PIBF1: variants seen among roughly 807,000 people sequenced by gnomAD.
The protein encoded by PIBF1 is progesterone-induced-blocking factor 1.
A neutral mutation model predicts 112.5 loss-of-function variants in PIBF1; 90 were observed. That is an observed-to-expected ratio of 0.80 (90% confidence interval 0.67 to 0.95). PIBF1 has a LOEUF of 0.95. PIBF1 is among the 40% of genes least tolerant of loss of function. The pLI is 0.00. For synonymous variants in PIBF1, 301 were observed against 288.6 expected (o/e 1.04, Z -0.44); for missense variants, 915 against 852.3 (o/e 1.07, Z -0.92).
At chr13:73,010,235 T>TG (rs1259097324) in intron 17 of PIBF1, among the ~76,000 whole-genome samples, 1 of 151,152 alleles carries the variant, frequency 6.6e-6, no homozygotes, top group Non-Finnish European at 1.5e-5. Context: ...GCTAGTTTTT[T>TG]TTTTTTTTTT....
At chr13:72,985,987 GA>G (rs962058651) in intron 16 of PIBF1, among the ~76,000 whole-genome samples, 22 of 151,346 alleles carry the variant, frequency 1.5e-4, no homozygotes, top group Non-Finnish European at 2.8e-4. Context: ...TCCATCTCTA[GA>G]AAAAAAAATT....
intron 5 of PIBF1, among the ~76,000 whole-genome samples, chr13:72,819,178 G>T (rs1045218681): frequency 5.3e-5 from 8 of 152,086 alleles, no homozygotes; most frequent in African/African-American, 1.9e-4. Flanking sequence ...TTGTGAAGCC[G>T]TAGGGTAAGA....
rs546783273 is a variant in PIBF1, at chr13:72,820,417, G to A, written c.673-1432G>A. On this transcript the variant is annotated intron_variant, in intron 5 of 17. Coordinates refer to ENST00000326291, the MANE Select transcript of PIBF1 (RefSeq NM_006346.4). The stretch of plus-strand genomic sequence containing the variant: ...TGATGATCTTTCGGGAGGTGATAGC[G>A]TATCCTCAGCTGTAATCCCATAATA... Among the ~76,000 whole-genome samples the A allele has an allele frequency of 7.4e-4, 112 of 152,214 alleles. 1 individual carries two copies. Among genetic ancestry groups the A allele is most frequent in the African/African-American group, 2.6e-3 (108 of 41,548 alleles).
intron 11 of PIBF1, among the ~76,000 whole-genome samples, chr13:72,894,849 A>C (rs2040214514): frequency 6.6e-6 from 1 of 150,716 alleles, no homozygotes; most frequent in Non-Finnish European, 1.5e-5. Context: ...ATCCAGGGGC[A>C]GTGAGTGACT....
intron 14 of PIBF1, among the ~76,000 whole-genome samples, chr13:72,959,235 A>G (rs2042540565): frequency 6.6e-6 from 1 of 152,020 alleles, no homozygotes; most frequent in African/African-American, 2.4e-5. Context: ...ACCTCAAGCA[A>G]TCCACCCACC....
intron 5 of PIBF1, among the ~76,000 whole-genome samples, chr13:72,819,701 A>G (rs995682905): frequency 1.3e-5 from 2 of 152,088 alleles, no homozygotes; most frequent in African/African-American, 4.8e-5. Context: ...ATAGCCAAAA[A>G]AGAGGACATA....
At chr13:73,000,479 C>G (rs1159795598) in intron 17 of PIBF1, among the ~76,000 whole-genome samples, 2 of 152,150 alleles carry the variant, frequency 1.3e-5, no homozygotes, top group African/African-American at 4.8e-5. Flanking sequence ...GTTCCAAATA[C>G]AGCTGCCGAG....
chr13:72,949,296 CTGTCTTT>C lies in PIBF1; in HGVS notation c.1834-15976_1834-15970del, dbSNP rs1454188661. Among the ~76,000 whole-genome samples the C allele has an allele frequency of 4.0e-3, 444 of 110,900 alleles. 7 individuals are homozygous for C. The highest frequency in any genetic ancestry group is 0.015 in the African/African-American group (418 of 28,716). 72.8% of individuals were successfully genotyped at this position (110,900 alleles called of 152,430 possible). ...ATGTAACTACTACCTAGACAAATAG[CTGTCTTT>C]TTTTTTTTTTTTTTTTTTTTTTTTT... On this transcript the variant is annotated intron_variant, in intron 14 of 17. Coordinates refer to ENST00000326291, the MANE Select transcript of PIBF1 (RefSeq NM_006346.4).
At chr13:72,885,309 A>C (rs560862495) in intron 10 of PIBF1, among the ~76,000 whole-genome samples, 1 of 152,170 alleles carries the variant, frequency 6.6e-6, no homozygotes, top group African/African-American at 2.4e-5. Flanking sequence ...CGGACACCTA[A>C]ACCTGGAAAC....
intron 16 of PIBF1, among the ~76,000 whole-genome samples, chr13:72,997,881 C>CACTA (rs10661250): frequency 0.99 from 151,077 of 152,228 alleles, 74,979 homozygotes; most frequent in Middle Eastern, 1. Flanking sequence ...CATAAATACC[C>CACTA]ACTAGTGTTA....
intron 10 of PIBF1, among the ~76,000 whole-genome samples, chr13:72,863,402 A>G (rs2138381147): frequency 6.6e-6 from 1 of 152,276 alleles, no homozygotes; most frequent in Non-Finnish European, 1.5e-5. Context: ...CTGTAATCCC[A>G]GCACTTTGGG....
At chr13:72,928,028 T>TATACATATATATATACATATATATAC (rs1566458687) in intron 13 of PIBF1, among the ~76,000 whole-genome samples, 33 of 58,854 alleles carry the variant, frequency 5.6e-4, no homozygotes, top group African/African-American at 1.6e-3. Context: ...TATATATACA[T>TATACATATATATATACATATATATAC]ATATATATAT....
At chr13:72,882,400 C>A (rs185688820) in intron 10 of PIBF1, among the ~76,000 whole-genome samples, 1 of 152,106 alleles carries the variant, frequency 6.6e-6, no homozygotes. Context: ...AGTGATACCG[C>A]ACAAGCACAG....
At chr13:72,892,608 A>G (rs1320777352) in intron 10 of PIBF1, among the ~76,000 whole-genome samples, 1 of 152,112 alleles carries the variant, frequency 6.6e-6, no homozygotes, top group Non-Finnish European at 1.5e-5. Context: ...TATTAAAGAA[A>G]TTATTTGACA....
intron 9 of PIBF1, among the ~76,000 whole-genome samples, chr13:72,842,246 T>A (rs988260764): frequency 6.6e-6 from 1 of 152,190 alleles, no homozygotes; most frequent in Non-Finnish European, 1.5e-5. Flanking sequence ...AAGGTGGTCT[T>A]GTTAACTGTA....
intron 10 of PIBF1, among the ~76,000 whole-genome samples, chr13:72,864,238 G>A (rs2038827941): frequency 6.6e-6 from 1 of 152,220 alleles, no homozygotes; most frequent in South Asian, 2.1e-4. Flanking sequence ...TTGCTTGAGA[G>A]TGAGGAGGAT....
intron 10 of PIBF1, among the ~76,000 whole-genome samples, chr13:72,859,558 A>G (rs937503410): frequency 1.3e-5 from 2 of 152,168 alleles, no homozygotes; most frequent in Non-Finnish European, 1.5e-5. Context: ...ATAAAACAAT[A>G]ACAACAAATT....
At chr13:72,844,663 A>G (rs2037753581) in intron 9 of PIBF1, among the ~76,000 whole-genome samples, 1 of 151,668 alleles carries the variant, frequency 6.6e-6, no homozygotes, top group Admixed American at 6.6e-5. Context: ...TTTGCAAACG[A>G]CATTCCATGC....
At chr13:72,897,088 T>G (rs897861110) in intron 11 of PIBF1, among the ~76,000 whole-genome samples, 1 of 152,140 alleles carries the variant, frequency 6.6e-6, no homozygotes, top group African/African-American at 2.4e-5. Flanking sequence ...CCTATAAGAT[T>G]AACAGCAGAT....
Sources: gnomAD v4.1 joint callset for allele counts (sites outside exome capture counted in the v4.1 genomes callset) on GRCh38, gnomAD v4.1.1 for gene constraint, MANE v1.5 for transcripts, NCBI Gene and HGNC (gene_info 2026-07-23, HGNC 2026-07-21) for gene names.